The following DMD variants were observed in gnomAD, a reference collection of about 807,000 sequenced individuals.
DMD encodes dystrophin, also known as mutant dystrophin.
Under a neutral mutation model 330.1 loss-of-function variants are expected in DMD, and 63 were observed. The observed-to-expected ratio is 0.19, with a 90% CI of 0.16 to 0.24. The LOEUF is 0.24. Among genes scored for constraint, DMD ranks in the 10% least tolerant of loss-of-function variants. DMD has a pLI of 1.00. For synonymous variants in DMD, 1,223 were observed against 959.8 expected (o/e 1.27, Z -5.07); for missense variants, 3,344 against 2,684.1 (o/e 1.25, Z -5.43).
chrX:32,383,734 G>C (rs1276770343), intron 33 of DMD, among the ~76,000 whole-genome samples: 1 of 110,628 alleles, frequency 9.0e-6, no homozygotes, highest in Non-Finnish European at 1.9e-5. Context: ...CAAGCTCTCA[G>C]ATATGTATTT....
At chrX:32,337,143 C>T (rs1388231432) in intron 41 of DMD, among the ~76,000 whole-genome samples, 1 of 110,884 alleles carries the variant, frequency 9.0e-6, no homozygotes, top group Non-Finnish European at 1.9e-5. Flanking sequence ...ATAACAGATA[C>T]GGAGGAGTGA....
At position 31,937,127 on chromosome X, in the gene DMD, A is replaced by T. The variant is rs750325447; in HGVS notation, c.6615-4900T>A. ...TGGGATTGCATTATATCAATAAGTTAATTTGTGAAGAATTACTGCCTTTCC... is the reference window on the plus strand; with the variant it reads ...TGGGATTGCATTATATCAATAAGTTTATTTGTGAAGAATTACTGCCTTTCC... On this transcript the variant is annotated intron_variant, in intron 45 of 78. Transcript: ENST00000357033. Among the ~76,000 whole-genome samples, 5 of 111,806 alleles carry T rather than the reference A, an allele frequency of 4.5e-5. No individual in the cohort carries two copies. In the South Asian group the frequency reaches 1.8e-3, roughly 41 times the overall value.
At chrX:33,056,823 C>A (rs996987189) in intron 1 of DMD, among the ~76,000 whole-genome samples, 1 of 111,323 alleles carries the variant, frequency 9.0e-6, no homozygotes, top group Admixed American at 9.6e-5. Flanking sequence ...TATCCTGTAA[C>A]GAATCTCTTT....
At chrX:31,737,614 A>G (rs1347645136) in intron 51 of DMD, among the ~76,000 whole-genome samples, 2 of 112,497 alleles carry the variant, frequency 1.8e-5, no homozygotes, top group Non-Finnish European at 3.8e-5. Context: ...CCAAGCCAAT[A>G]GACAAGCAAG....
chrX:32,721,349 T>C (rs1457222647), intron 7 of DMD, among the ~76,000 whole-genome samples: 3 of 110,664 alleles, frequency 2.7e-5, no homozygotes, highest in African/African-American at 9.8e-5. Context: ...TTCCCTTTCC[T>C]CCTTGCCTTT....
At chrX:31,889,198 T>A (rs966075284) in intron 47 of DMD, among the ~76,000 whole-genome samples, 1 of 112,402 alleles carries the variant, frequency 8.9e-6, no homozygotes, top group Non-Finnish European at 1.9e-5. Flanking sequence ...CTGCCCTTAT[T>A]ACCACACTAA....
chrX:32,160,302 C>T (rs1183985202), intron 44 of DMD, among the ~76,000 whole-genome samples: 1 of 109,168 alleles, frequency 9.2e-6, no homozygotes, highest in Non-Finnish European at 1.9e-5. Flanking sequence ...GGCATGATCC[C>T]GGCTCACTGC....
At chrX:31,917,835 C>T (rs979766163) in intron 47 of DMD, among the ~76,000 whole-genome samples, 6 of 112,329 alleles carry the variant, frequency 5.3e-5, no homozygotes, top group Admixed American at 1.9e-4. Flanking sequence ...GCCATTCTAT[C>T]GCAGGGCACA....
chrX:31,490,957 A>C (rs1469199345), intron 57 of DMD, among the ~76,000 whole-genome samples: 6 of 112,460 alleles, frequency 5.3e-5, no homozygotes, highest in African/African-American at 1.9e-4. Context: ...AAACTACTTT[A>C]TTCAAGCCTT....
intron 47 of DMD, among the ~76,000 whole-genome samples, chrX:31,895,879 T>C (rs992380069): frequency 4.5e-5 from 5 of 112,139 alleles, no homozygotes; most frequent in African/African-American, 1.6e-4. Flanking sequence ...CCCTTTCCTG[T>C]TTCATTAACC....
chrX:31,128,889 C>T (rs368483776), intron 77 of DMD, among the ~76,000 whole-genome samples: 17 of 112,224 alleles, frequency 1.5e-4, no homozygotes, highest in Admixed American at 4.7e-4. Flanking sequence ...ACTAGTTCTA[C>T]GCTGACAAAA....
chrX:32,422,513 A>C, intron 29 of DMD, among the ~76,000 whole-genome samples: 2 of 111,926 alleles, frequency 1.8e-5, no homozygotes, highest in Middle Eastern at 9.3e-3. Context: ...GGCTTACAGC[A>C]AAAAAGAGCG....
At chrX:31,476,418 T>C (rs188739195) in intron 59 of DMD, among the ~76,000 whole-genome samples, 14,571 of 96,286 alleles carry the variant, frequency 0.15, 1,294 homozygotes, top group East Asian at 0.3. Flanking sequence ...TATATATATA[T>C]ATACACACAC....
At chrX:31,519,921 T>C (rs2072589692) in intron 55 of DMD, among the ~76,000 whole-genome samples, 1 of 111,851 alleles carries the variant, frequency 8.9e-6, no homozygotes, top group Admixed American at 9.5e-5. Context: ...AGTGTGACTT[T>C]TGTGTGTGTG....
intron 7 of DMD, among the ~76,000 whole-genome samples, chrX:32,783,284 A>C (rs1348288279): frequency 1.0e-5 from 1 of 100,411 alleles, no homozygotes; most frequent in Non-Finnish European, 2.0e-5. Flanking sequence ...TATATACACC[A>C]TATATACACA....
At position 32,952,859 on chromosome X, in the gene DMD, G is replaced by C. The variant is rs781459592; in HGVS notation, c.93+67280C>G. Among the ~76,000 whole-genome samples, 3 of 110,443 alleles carry C rather than the reference G, an allele frequency of 2.7e-5. No homozygotes were observed. The South Asian group carries it at 1.2e-3, about 43-fold the overall frequency. ...TCAAATTGAAATTTCACTGGGCTGG[G>C]TGCGGTGGCTCACACCTGTAATCAC... On this transcript the variant is annotated intron_variant, in intron 2 of 78. Coordinates refer to ENST00000357033, the MANE Select transcript of DMD (RefSeq NM_004006.3).
At chrX:33,240,620 A>G (rs760119929) in intron 1 of DMD, among the ~76,000 whole-genome samples, 15 of 111,152 alleles carry the variant, frequency 1.3e-4, no homozygotes, top group African/African-American at 4.6e-4. Context: ...TCTAGTTTTA[A>G]TTTTTTTGAG....
chrX:32,851,729 C>T (rs936955108), intron 2 of DMD, among the ~76,000 whole-genome samples: 5 of 112,285 alleles, frequency 4.5e-5, no homozygotes, highest in African/African-American at 1.3e-4. Flanking sequence ...CTCATGTAGA[C>T]GATCTGTGTG....
chrX:31,810,904 T>C (rs1019517995), intron 50 of DMD, among the ~76,000 whole-genome samples: 8 of 111,897 alleles, frequency 7.1e-5, no homozygotes. Context: ...CAAGCAAAAG[T>C]CCTTTCTTGA....
Sources: allele counts gnomAD v4.1 joint callset (sites outside exome capture counted in the v4.1 genomes callset), GRCh38; gene constraint gnomAD v4.1.1; transcripts MANE v1.5; gene names NCBI Gene and HGNC (gene_info 2026-07-23, HGNC 2026-07-21).